SLC6A20: variants seen among roughly 807,000 people sequenced by gnomAD.
The protein encoded by SLC6A20 is solute carrier family 6 member 20, also known as sodium- and chloride-dependent transporter XTRP3.
A neutral mutation model predicts 64.3 loss-of-function variants in SLC6A20; 73 were observed. The ratio of observed to expected loss-of-function variants is 1.14; its 90% CI spans 0.94 to 1.38. The LOEUF (loss-of-function observed/expected upper bound fraction) is 1.38. Ranked by LOEUF, SLC6A20 falls within the 40% of genes most tolerant of loss-of-function variation. SLC6A20 has a pLI of 0.00. For synonymous variants in SLC6A20, 347 were observed against 329.6 expected (o/e 1.05, Z -0.57); for missense variants, 725 against 772.8 (o/e 0.94, Z 0.73).
chr3:45,781,954 C>G (rs1042941380), intron 2 of SLC6A20, 129 bp downstream of exon 2: 11 of 1,296,292 alleles, frequency 8.5e-6, no homozygotes, highest in Non-Finnish European at 1.0e-5. Flanking sequence ...TTTGTTCACC[C>G]CAGGCAAGAG....
At chr3:45,770,161 T>G in intron 7 of SLC6A20, 48 bp downstream of exon 7, 507 of 1,608,020 alleles carry the variant, frequency 3.2e-4, no homozygotes, top group Non-Finnish European at 4.0e-4. Flanking sequence ...AAGGTTCCCA[T>G]GAGTGTGTGG....
Position 45,767,900 on chromosome 3 carries a change from T to C in SLC6A20, c.1099-2159A>G, listed in dbSNP as rs541380199. On this transcript the variant is annotated intron_variant, in intron 7 of 10. Coordinates refer to ENST00000358525, the MANE Select transcript of SLC6A20 (RefSeq NM_020208.4). The stretch of plus-strand genomic sequence containing the variant: ...TGTTGAGAGAAAATAATTGTTAACC[T>C]GGAATTTTCTACTCCGAGGAACAAT... Among the ~76,000 whole-genome samples, 293 of 152,318 alleles carry C rather than the reference T, an allele frequency of 1.9e-3. 2 individuals are homozygous for C. Among genetic ancestry groups the C allele is most frequent in the Non-Finnish European group, 3.9e-3 (266 of 68,032 alleles).
rs1055866836 is a variant in SLC6A20, at chr3:45,755,484, A to G, written c.*3494T>C. 1 of 152,386 alleles carries G rather than the reference A, an allele frequency of 6.6e-6. No homozygotes were observed. The highest frequency in any genetic ancestry group is 1.5e-5 in the Non-Finnish European group (1 of 68,050). 9.4% of individuals were successfully genotyped at this position (152,386 alleles called of 1,614,324 possible). A position where few individuals can be genotyped will look rare whatever the true frequency, so the allele number is the denominator to read the frequency against. ...CTTGCTTAGAGTTTTATTTACTATG[A>G]CAATTGCTAAAAAACAAATATTTCC... On this transcript the variant is annotated 3_prime_UTR_variant, in exon 11 of 11. Coordinates refer to ENST00000358525, the MANE Select transcript of SLC6A20 (RefSeq NM_020208.4).
In SLC6A20 at chr3:45,765,611, T is replaced by G. The variant is rs753784931; in HGVS notation, c.1229A>C (p.Asn410Thr). ...LMLGIGSMLG[N>T]TAAILTPLTD... ...CAGAGGGGTGAGGATGGCCGCTGTG[T>G]TCCCCAGCATGCTCCCAATGCCCAG... The change falls in exon 8 of 11, where the codon AAC becomes ACC. Residue 410 changes from asparagine (N) to threonine (T), a missense_variant. Physicochemically the swap from Asn to Thr is moderately conservative, Grantham distance 65 (BLOSUM62 0). Coordinates refer to ENST00000358525, the MANE Select transcript of SLC6A20 (RefSeq NM_020208.4). This position sits in a 1 kb window ranked among gnomAD's most constrained non-coding sequence, Gnocchi z 4.2. 1 of 1,614,140 alleles carries G rather than the reference T, an allele frequency of 6.2e-7. No homozygotes were observed. The highest frequency in any genetic ancestry group is 8.5e-7 in the Non-Finnish European group (1 of 1,180,018).
At chr3:45,769,816 G>A (rs914441043) in intron 7 of SLC6A20, among the ~76,000 whole-genome samples, 4 of 152,138 alleles carry the variant, frequency 2.6e-5, no homozygotes, top group African/African-American at 9.7e-5. Flanking sequence ...GGGAAAAAAA[G>A]GGGGACTTTT....
chr3:45,773,920 T>C (rs896219245), intron 4 of SLC6A20, among the ~76,000 whole-genome samples: 21 of 152,262 alleles, frequency 1.4e-4, no homozygotes, highest in African/African-American at 4.6e-4. Flanking sequence ...CACTCACTCG[T>C]GACCAACATC....
chr3:45,775,824 G>A lies in SLC6A20; in HGVS notation c.519C>T (p.Cys173=). Residue 173 remains cysteine (C), a synonymous_variant, in exon 4 of 11, where the codon TGC becomes TGT. Transcript: ENST00000358525. ...ACACCACCAGCCAGGCCAGGAGGAG[G>A]CACAGCGCCGGCTCCCACTGCACAC... ...NGGVQWEPAL[C]LLLAWLVVYL... is the part of the protein sequence containing the mutation. 1 of 1,614,068 alleles carries A rather than the reference G, an allele frequency of 6.2e-7. No individual in the cohort carries two copies.
intron 3 of SLC6A20, among the ~76,000 whole-genome samples, chr3:45,776,995 T>C (rs910870302): frequency 2.0e-4 from 30 of 152,054 alleles, no homozygotes; most frequent in African/African-American, 7.2e-4. Context: ...GGTGCTGAGA[T>C]GGGAGGGAGG....
At chr3:45,791,746 G>C (rs1255702565) in intron 1 of SLC6A20, 1 of 152,620 alleles carries the variant, frequency 6.6e-6, no homozygotes, top group African/African-American at 2.4e-5. Flanking sequence ...AGGAGGAAGA[G>C]AGAGAGTAGG....
chr3:45,770,517 G>A, intron 6 of SLC6A20, 146 bp from the exon 7 acceptor site: 1 of 975,452 alleles, frequency 1.0e-6, no homozygotes, highest in Non-Finnish European at 1.5e-6. Context: ...AATTTTGAAT[G>A]GCACTGAAGA....
chr3:45,775,919 C>T lies in SLC6A20; in HGVS notation c.424G>A (p.Ala142Thr). 6.2e-7 allele frequency: 1 copy of T among 1,614,180 alleles called. No individual in the cohort carries two copies. Among genetic ancestry groups the T allele is most frequent in the South Asian group, 1.1e-5 (1 of 91,084 alleles). The change falls in exon 4 of 11, where the codon GCG becomes ACG. Residue 142 changes from alanine (A) to threonine (T), a missense_variant. Physicochemically the swap from Ala to Thr is moderately conservative, Grantham distance 58. Transcript: ENST00000358525. ...TACCAGAAGTACTGTGTGGAGGACG[C>T]CTTCTCACACTCCTCATCGTAGCCC... ...HTGYDEECEK[A>T]SSTQYFWYRK...
At chr3:45,780,545 T>C (rs1482911517) in intron 2 of SLC6A20, among the ~76,000 whole-genome samples, 1 of 152,206 alleles carries the variant, frequency 6.6e-6, no homozygotes, top group African/African-American at 2.4e-5. Context: ...CTTGTCCAGA[T>C]GTACAGTTAT....
chr3:45,781,403 G>A (rs969942920), intron 2 of SLC6A20, among the ~76,000 whole-genome samples: 6 of 152,164 alleles, frequency 3.9e-5, no homozygotes, highest in African/African-American at 1.2e-4. Flanking sequence ...GGGGTGGGAG[G>A]GGTGAGCATC....
intron 1 of SLC6A20, among the ~76,000 whole-genome samples, chr3:45,795,253 A>T (rs1700326205): frequency 6.6e-6 from 1 of 152,226 alleles, no homozygotes; most frequent in Non-Finnish European, 1.5e-5. Flanking sequence ...TAATTGTTTT[A>T]AAATGTCAAA....
intron 1 of SLC6A20, among the ~76,000 whole-genome samples, chr3:45,796,051 T>G (rs890880588): frequency 6.6e-6 from 1 of 151,942 alleles, no homozygotes; most frequent in African/African-American, 2.4e-5. Context: ...AGGGTGAGGG[T>G]TGGGGGCTTG....
chr3:45,768,495 G>A (rs946898878), intron 7 of SLC6A20, among the ~76,000 whole-genome samples: 4 of 152,202 alleles, frequency 2.6e-5, no homozygotes, highest in African/African-American at 9.7e-5. Flanking sequence ...GAAGCCAAAG[G>A]ACCTCATGGG....
At chr3:45,778,837 G>A (rs1357651161) in intron 3 of SLC6A20, among the ~76,000 whole-genome samples, 3 of 152,162 alleles carry the variant, frequency 2.0e-5, no homozygotes, top group South Asian at 2.1e-4. Flanking sequence ...GTTGTGGCCA[G>A]TGTTCATGAA....
At chr3:45,792,806 CA>C (rs891935131) in intron 1 of SLC6A20, among the ~76,000 whole-genome samples, 1 of 152,230 alleles carries the variant, frequency 6.6e-6, no homozygotes, top group African/African-American at 2.4e-5. Context: ...AGGTAATCTG[CA>C]AATTCTTGGA....
Position 45,758,468 on chromosome 3 carries a change from G to A in SLC6A20, c.*510C>T, listed in dbSNP as rs1311472975. The stretch of plus-strand genomic sequence containing the variant: ...CTTGTCATCCTAAGATTTAAAGGGT[G>A]GAAGGGGAACACAGAAATTGCATAT... On this transcript the variant is annotated 3_prime_UTR_variant, in exon 11 of 11. Coordinates refer to ENST00000358525, the MANE Select transcript of SLC6A20 (RefSeq NM_020208.4). 2.4e-6 allele frequency: 3 copies of A among 1,247,668 alleles called. No individual in the cohort carries two copies. Among genetic ancestry groups the A allele is most frequent in the Non-Finnish European group, 3.1e-6 (3 of 971,426 alleles). 77.3% of individuals were successfully genotyped at this position (1,247,668 alleles called of 1,614,324 possible).
Sources: allele counts gnomAD v4.1 joint callset (sites outside exome capture counted in the v4.1 genomes callset), GRCh38; gene constraint gnomAD v4.1.1; non-coding constraint Gnocchi (gnomAD v3.1); transcripts MANE v1.5; gene names NCBI Gene and HGNC (gene_info 2026-07-23, HGNC 2026-07-21).